The following BEST3 variants were observed in gnomAD, a reference collection of about 807,000 sequenced individuals.
BEST3 encodes bestrophin-3.
Under a neutral mutation model 47.1 loss-of-function variants are expected in BEST3, and 50 were observed. The ratio of observed to expected loss-of-function variants is 1.06; its 90% confidence interval spans 0.85 to 1.34. BEST3 has a LOEUF of 1.34. Among genes scored for constraint, BEST3 ranks in the 40% most tolerant of loss-of-function variants. BEST3 has a pLI of 0.00. For synonymous variants in BEST3, 282 were observed against 298.8 expected (o/e 0.94, Z 0.58); for missense variants, 765 against 817.0 (o/e 0.94, Z 0.78).
chr12:69,681,161 A>C (rs1234265561), intron 4 of BEST3, among the ~76,000 whole-genome samples: 1 of 151,608 alleles, frequency 6.6e-6, no homozygotes, highest in Non-Finnish European at 1.5e-5. Flanking sequence ...ACTGATTTTT[A>C]TTAGATATTA....
intron 9 of BEST3, among the ~76,000 whole-genome samples, chr12:69,663,429 G>A (rs1439185787): frequency 1.3e-5 from 2 of 152,134 alleles, no homozygotes; most frequent in East Asian, 1.9e-4. Flanking sequence ...ATACTTCCTC[G>A]CTGTGCATCT....
At chr12:69,645,980 A>C (rs924169963) in intron 9 of BEST3, among the ~76,000 whole-genome samples, 1 of 152,200 alleles carries the variant, frequency 6.6e-6, no homozygotes, top group South Asian at 2.1e-4. Context: ...TCTGTCACCC[A>C]GGCTGGAGTG....
chr12:69,694,833 A>G (rs1886073683), intron 2 of BEST3, among the ~76,000 whole-genome samples: 1 of 152,206 alleles, frequency 6.6e-6, no homozygotes, highest in South Asian at 2.1e-4. Flanking sequence ...ATTATTGATT[A>G]AGTATGAATT....
At chr12:69,688,201 A>G (rs1018425044) in intron 4 of BEST3, among the ~76,000 whole-genome samples, 1 of 152,158 alleles carries the variant, frequency 6.6e-6, no homozygotes, top group African/African-American at 2.4e-5. Context: ...TCATCACTTG[A>G]CTCAGCCAGG....
Position 69,697,672 on chromosome 12 carries a change from A to G in BEST3, c.127T>C (p.Tyr43His), listed in dbSNP as rs1025016. 0.083 allele frequency: 133,826 copies of G among 1,604,742 alleles called. 6,206 individuals are homozygous for G. Among genetic ancestry groups the G allele is most frequent in the South Asian group, 0.13 (11,636 of 89,298 alleles). ...CTGTATACCAAACTTATTGCTGTAT[A>G]AAGAACAGCAAAAACAATAAATTCC... ...YREFIVFAVLYTAISLVYRLL... is the reference protein window; with the variant it reads ...YREFIVFAVLHTAISLVYRLL... The change falls in exon 2 of 10, where the codon TAT becomes CAT. Residue 43 changes from tyrosine (Y) to histidine (H), a missense_variant. Transcript: ENST00000330891.
At chr12:69,645,841 T>C (rs891968148) in intron 9 of BEST3, among the ~76,000 whole-genome samples, 1 of 152,114 alleles carries the variant, frequency 6.6e-6, no homozygotes, top group Non-Finnish European at 1.5e-5. Flanking sequence ...TCTTTCACCA[T>C]TTAGGTCAAT....
Position 69,655,238 on chromosome 12 carries a change from G to A in BEST3, c.1676C>T (p.Pro559Leu). ...ILSPSEKETP[P>L]GGPSPQTVSA... Reference sequence around the variant, plus strand: ...AACTGTCTGGGGACTGGGGCCTCCAGGAGGTGTCTCCTTCTCTGAGGGAGA... The same window carrying A: ...AACTGTCTGGGGACTGGGGCCTCCAAGAGGTGTCTCCTTCTCTGAGGGAGA... Residue 559 changes from proline (P) to leucine (L), a missense_variant, in exon 10 of 10, where the codon CCT becomes CTT. Coordinates refer to ENST00000330891, the MANE Select transcript of BEST3 (RefSeq NM_032735.3). 6.2e-7 allele frequency: 1 copy of A among 1,614,148 alleles called. No individual in the cohort carries two copies. Among genetic ancestry groups the A allele is most frequent in the Non-Finnish European group, 8.5e-7 (1 of 1,180,018 alleles).
intron 9 of BEST3, among the ~76,000 whole-genome samples, chr12:69,647,444 A>G (rs181313680): frequency 6.6e-6 from 1 of 152,328 alleles, no homozygotes; most frequent in Admixed American, 6.5e-5. Flanking sequence ...GTTAGTATTC[A>G]GTGGGGAGGA....
intron 9 of BEST3, among the ~76,000 whole-genome samples, chr12:69,667,990 A>C (rs1448338209): frequency 6.6e-6 from 1 of 152,242 alleles, no homozygotes; most frequent in African/African-American, 2.4e-5. Context: ...TATGCAGAAA[A>C]TAGGGCCATG....
intron 4 of BEST3, among the ~76,000 whole-genome samples, chr12:69,687,656 C>T (rs1203916803): frequency 2.9e-5 from 2 of 69,056 alleles, no homozygotes; most frequent in African/African-American, 1.0e-4. Context: ...TGAGTGAGAA[C>T]GTGTCTCAAA....
At chr12:69,679,099 A>G (rs973400398) in intron 4 of BEST3, among the ~76,000 whole-genome samples, 6 of 152,184 alleles carry the variant, frequency 3.9e-5, no homozygotes, top group African/African-American at 1.4e-4. Flanking sequence ...ATACATATAC[A>G]TGCACACCCA....
At chr12:69,684,592 T>C in intron 4 of BEST3, 2 of 681,196 alleles carry the variant, frequency 2.9e-6, no homozygotes, top group South Asian at 3.1e-5. Flanking sequence ...GCAGAATGGG[T>C]TTCATGCCAG....
chr12:69,656,014 G>A (rs73327722), intron 9 of BEST3, among the ~76,000 whole-genome samples: 19,118 of 152,050 alleles, frequency 0.13, 1,406 homozygotes, highest in East Asian at 0.23. Flanking sequence ...AAATTATTGC[G>A]TATCCCAAAG....
chr12:69,680,311 T>TCTTC (rs1885172851), intron 4 of BEST3, among the ~76,000 whole-genome samples: 2 of 75,420 alleles, frequency 2.7e-5, no homozygotes, highest in African/African-American at 1.2e-4. Context: ...ACACTTGATC[T>TCTTC]TTTTTTTTTT....
At chr12:69,672,016 T>C (rs1409861876) in intron 8 of BEST3, among the ~76,000 whole-genome samples, 1 of 152,244 alleles carries the variant, frequency 6.6e-6, no homozygotes, top group Non-Finnish European at 1.5e-5. Context: ...TCACTTCTTA[T>C]ATGCCCTGGT....
rs1291407083 is a variant in BEST3 at position 69,693,649 on chromosome 12, T to C, written c.481+25A>G. The stretch of plus-strand genomic sequence containing the variant: ...TCCTGTCTCAGCTGAGAAGAGCCCA[T>C]GGAAGGAAAAGCCATTCATAGTACC... On this transcript the variant is annotated intron_variant, in intron 4 of 9. Coordinates refer to ENST00000330891, the MANE Select transcript of BEST3 (RefSeq NM_032735.3). 3.9e-6 allele frequency: 6 copies of C among 1,532,402 alleles called. No individual in the cohort carries two copies. The East Asian group carries it at 1.4e-4, about 35-fold the overall frequency. 94.9% of individuals were successfully genotyped at this position (1,532,402 alleles called of 1,614,324 possible).
chr12:69,678,616 T>C, intron 5 of BEST3, 123 bp downstream of exon 5: 1 of 908,554 alleles, frequency 1.1e-6, no homozygotes, highest in East Asian at 2.5e-5. Context: ...ACTAGTCCAA[T>C]CTTTCCAGTT....
chr12:69,686,779 C>CAAAAAACAAAAAAACA (rs1555208520), intron 4 of BEST3, among the ~76,000 whole-genome samples: 2 of 99,382 alleles, frequency 2.0e-5, no homozygotes, highest in African/African-American at 9.8e-5. Flanking sequence ...CTCAAAAAAA[C>CAAAAAACAAAAAAACA]AAAAAAAAAA....
intron 9 of BEST3, among the ~76,000 whole-genome samples, chr12:69,657,339 G>A (rs1461175952): frequency 1.3e-5 from 2 of 152,004 alleles, no homozygotes; most frequent in Non-Finnish European, 2.9e-5. Flanking sequence ...CAAATAATCT[G>A]CCCACCTTGC....
Sources: allele counts gnomAD v4.1 joint callset (sites outside exome capture counted in the v4.1 genomes callset), GRCh38; gene constraint gnomAD v4.1.1; transcripts MANE v1.5; gene names NCBI Gene and HGNC (gene_info 2026-07-23, HGNC 2026-07-21).